Variants in SHISAL2A observed in about 807,000 individuals in gnomAD.
The protein encoded by SHISAL2A is shisa like 2A, also known as protein shisa-like-2A.
A neutral mutation model predicts 11.5 loss-of-function variants in SHISAL2A; 18 were observed. The ratio of observed to expected loss-of-function variants is 1.57; its 90% CI spans 1.08 to 2.33. The LOEUF is 2.33. SHISAL2A is among the 30% of genes most tolerant of loss of function. The pLI, the probability that SHISAL2A is intolerant of heterozygous loss-of-function variation, is 0.00. For synonymous variants in SHISAL2A, 94 were observed against 99.6 expected (o/e 0.94, Z 0.34); for missense variants, 261 against 250.9 (o/e 1.04, Z -0.27).
intron 2 of SHISAL2A, among the ~76,000 whole-genome samples, chr1:52,652,688 G>A (rs1445856491): frequency 1.7e-4 from 26 of 152,006 alleles, no homozygotes; most frequent in Admixed American, 1.5e-3. Context: ...TGTTTGGGCC[G>A]GGCGCAGTGG....
intron 4 of SHISAL2A, among the ~76,000 whole-genome samples, chr1:52,663,765 AAAAAG>A (rs998606189): frequency 1.3e-5 from 2 of 152,232 alleles, no homozygotes; most frequent in African/African-American, 4.8e-5. Context: ...GCGTCTAAAA[AAAAAG>A]AAAAGAAAGA....
rs1010540296 is a variant in SHISAL2A, at chr1:52,656,824, G to A, written c.357G>A (p.Val119=). 1 of 1,613,852 alleles carries A rather than the reference G, an allele frequency of 6.2e-7. No homozygotes were observed. The highest frequency in any genetic ancestry group is 8.5e-7 in the Non-Finnish European group (1 of 1,179,856). The change falls in exon 3 of 3, where the codon GTG becomes GTA. Residue 119 remains valine, a synonymous_variant. Coordinates refer to ENST00000517870, the MANE Select transcript of SHISAL2A (RefSeq NM_001042693.3). ...PEEVSPDCQG[V]NTGMAAEVPK... is the part of the protein sequence containing the mutation. ...AGGTTTCTCCTGACTGCCAAGGTGTGAACACAGGCATGGCGGCAGAAGTGC... is the reference window on the plus strand; with the variant it reads ...AGGTTTCTCCTGACTGCCAAGGTGTAAACACAGGCATGGCGGCAGAAGTGC...
downstream of SHISAL2A, among the ~76,000 whole-genome samples, chr1:52,659,040 TG>T (rs1189294843): frequency 3.6e-5 from 4 of 111,108 alleles, no homozygotes; most frequent in Non-Finnish European, 8.1e-5. Flanking sequence ...GTGGTGGTGG[TG>T]GTGTGTGTGT....
chr1:52,638,130 C>T (rs1011562296), intron 1 of SHISAL2A, among the ~76,000 whole-genome samples: 8 of 152,146 alleles, frequency 5.3e-5, no homozygotes, highest in Non-Finnish European at 1.2e-4. Context: ...AGTTTAGTTC[C>T]TCTGTCACCA....
chr1:52,648,848 C>T (rs1691563179), intron 2 of SHISAL2A, among the ~76,000 whole-genome samples: 1 of 152,090 alleles, frequency 6.6e-6, no homozygotes, highest in African/African-American at 2.4e-5. Context: ...TACCCATCCC[C>T]TAATTCCTAC....
At chr1:52,667,038 AG>A (rs991719723) in intron 4 of SHISAL2A, among the ~76,000 whole-genome samples, 3 of 152,234 alleles carry the variant, frequency 2.0e-5, no homozygotes, top group African/African-American at 7.2e-5. Flanking sequence ...CACAAGGGTC[AG>A]GAGGAGTTGC....
Position 52,656,905 on chromosome 1 carries a change from C to T in SHISAL2A, c.438C>T (p.Ser146=), listed in dbSNP as rs779249380. 6.2e-7 allele frequency: 1 copy of T among 1,614,180 alleles called. No homozygotes were observed. The highest frequency in any genetic ancestry group is 8.5e-7 in the Non-Finnish European group (1 of 1,180,040). The change falls in exon 3 of 3, where the codon AGC becomes AGT. Residue 146 remains serine, a synonymous_variant. Coordinates refer to ENST00000517870, the MANE Select transcript of SHISAL2A (RefSeq NM_001042693.3). ...SYSCLNPQLE[S]NEGQAVNSKR... ...CCTGCTTGAACCCGCAGCTGGAGAGCAATGAGGGGCAGGCTGTGAACTCCA... is the reference window on the plus strand; with the variant it reads ...CCTGCTTGAACCCGCAGCTGGAGAGTAATGAGGGGCAGGCTGTGAACTCCA...
intron 4 of SHISAL2A, chr1:52,667,291 C>T: frequency 2.3e-6 from 1 of 437,112 alleles, no homozygotes; most frequent in Non-Finnish European, 3.0e-6. Flanking sequence ...AGTTAGTCAG[C>T]ACGAGTTCAT....
chr1:52,637,278 T>C (rs1014695490), intron 1 of SHISAL2A, among the ~76,000 whole-genome samples: 10 of 152,218 alleles, frequency 6.6e-5, no homozygotes, highest in Admixed American at 3.3e-4. Context: ...TCAGGATGTC[T>C]AGGGCATCAA....
intron 2 of SHISAL2A, among the ~76,000 whole-genome samples, chr1:52,650,412 G>GC (rs1310861718): frequency 3.3e-5 from 5 of 152,074 alleles, no homozygotes; most frequent in Admixed American, 3.3e-4. Context: ...TCAGTGTGTG[G>GC]CCTTAAGCAA....
intron 2 of SHISAL2A, among the ~76,000 whole-genome samples, chr1:52,652,063 A>G (rs923677549): frequency 1.1e-4 from 17 of 152,232 alleles, no homozygotes; most frequent in Non-Finnish European, 2.4e-4. Flanking sequence ...TCAGAGCCCC[A>G]TAATGTGAGA....
chr1:52,640,140 A>T (rs1251145128), intron 1 of SHISAL2A: 1 of 152,164 alleles, frequency 6.6e-6, no homozygotes, highest in African/African-American at 2.4e-5. Context: ...ATACTGTTCC[A>T]TTGCAGAGAT....
intron 2 of SHISAL2A, among the ~76,000 whole-genome samples, chr1:52,648,471 A>C (rs569621754): frequency 5.9e-5 from 9 of 152,272 alleles, no homozygotes; most frequent in Admixed American, 3.9e-4. Flanking sequence ...TGAGACCCAA[A>C]GTCACCGAAT....
intron 1 of SHISAL2A, among the ~76,000 whole-genome samples, chr1:52,639,612 G>A (rs1691314420): frequency 6.6e-6 from 1 of 151,938 alleles, no homozygotes; most frequent in South Asian, 2.1e-4. Context: ...AATTAGCCGG[G>A]CGTGGTGGCG....
upstream of SHISAL2A, among the ~76,000 whole-genome samples, chr1:52,632,886 A>C (rs12728876): frequency 0.89 from 136,130 of 152,214 alleles, 61,135 homozygotes; most frequent in East Asian, 1. Flanking sequence ...TTTAACACGG[A>C]TGCGAACATC....
rs1040970715 is a variant in SHISAL2A, at chr1:52,656,451, C to G, written c.323-339C>G. Among the ~76,000 whole-genome samples the G allele has an allele frequency of 2.6e-5, 4 of 152,198 alleles. No homozygotes were observed. In the South Asian group the frequency reaches 6.2e-4, roughly 24 times the overall value. On this transcript the variant is annotated intron_variant, in intron 2 of 2. Coordinates refer to ENST00000517870, the MANE Select transcript of SHISAL2A (RefSeq NM_001042693.3). ...CTATGTTTTAAAAATGTCCACCACT[C>G]TTCTCCATACTAGCTGTATGGTAAT...
intron 4 of SHISAL2A, among the ~76,000 whole-genome samples, chr1:52,664,252 G>A (rs1361842707): frequency 6.6e-6 from 1 of 150,720 alleles, no homozygotes; most frequent in African/African-American, 2.4e-5. Context: ...GTGCAGTGGC[G>A]CGATCTCCGC....
At chr1:52,666,804 C>T (rs921634391) in intron 4 of SHISAL2A, among the ~76,000 whole-genome samples, 2 of 152,178 alleles carry the variant, frequency 1.3e-5, no homozygotes, top group African/African-American at 4.8e-5. Context: ...GACCACAAAG[C>T]TAGATGAGAA....
chr1:52,663,856 A>G (rs1691955818), intron 4 of SHISAL2A, among the ~76,000 whole-genome samples: 1 of 152,348 alleles, frequency 6.6e-6, no homozygotes, highest in South Asian at 2.1e-4. Flanking sequence ...ACTTAAATCT[A>G]TTCTTGGATA....
Sources: allele counts gnomAD v4.1 joint callset (sites outside exome capture counted in the v4.1 genomes callset), GRCh38; gene constraint gnomAD v4.1.1; transcripts MANE v1.5; gene names NCBI Gene and HGNC (gene_info 2026-07-23, HGNC 2026-07-21).